The following GREB1L variants were observed in gnomAD, a reference collection of about 807,000 sequenced individuals.
GREB1L encodes the protein GREB1-like protein.
A neutral mutation model predicts 200.8 loss-of-function variants in GREB1L; 17 were observed. The ratio of observed to expected loss-of-function variants is 0.08; its 90% CI spans 0.06 to 0.13. GREB1L has a LOEUF of 0.13. Among genes scored for constraint, GREB1L ranks in the 10% least tolerant of loss-of-function variants. The pLI is 1.00. For synonymous variants in GREB1L, 789 were observed against 893.0 expected (o/e 0.88, Z 2.08); for missense variants, 1,657 against 2,367.7 (o/e 0.70, Z 6.23).
At chr18:21,352,500 C>CGA (rs2039448473) in intron 1 of GREB1L, among the ~76,000 whole-genome samples, 1 of 150,122 alleles carries the variant, frequency 6.7e-6, no homozygotes, top group East Asian at 2.0e-4. Context: ...ATGGTGAGAT[C>CGA]TCGGCTCACT....
Position 21,502,000 on chromosome 18 carries a change from C to G in GREB1L, c.4072+1358C>G, listed in dbSNP as rs922379051. On this transcript the variant is annotated intron_variant, in intron 23 of 32. Coordinates refer to ENST00000424526, the MANE Select transcript of GREB1L (RefSeq NM_001142966.3). The stretch of plus-strand genomic sequence containing the variant: ...CACTGGCACGGTGCAGTAGCTCACG[C>G]CTGTAATCCCAGCACTTTGGGAGGC... Among the ~76,000 whole-genome samples, 5 of 152,194 alleles carry G rather than the reference C, an allele frequency of 3.3e-5. No homozygotes were observed. In the South Asian group the frequency reaches 6.2e-4, roughly 19 times the overall value.
intron 1 of GREB1L, among the ~76,000 whole-genome samples, chr18:21,325,345 TAACC>T (rs1318561216): frequency 6.6e-6 from 1 of 152,158 alleles, no homozygotes; most frequent in African/African-American, 2.4e-5. Context: ...GGGAGACAAA[TAACC>T]AAGTATCTGC....
At chr18:21,257,359 C>A in intron 1 of GREB1L, among the ~76,000 whole-genome samples, 1 of 152,114 alleles carries the variant, frequency 6.6e-6, no homozygotes, top group East Asian at 1.9e-4. Context: ...TAAAAATAAC[C>A]TTTCCCCCCC....
intron 1 of GREB1L, among the ~76,000 whole-genome samples, chr18:21,302,808 C>T (rs1383812535): frequency 6.6e-6 from 1 of 151,932 alleles, no homozygotes; most frequent in Non-Finnish European, 1.5e-5. Flanking sequence ...TGCAACCTCC[C>T]CCTCCCAGGT....
chr18:21,437,414 G>A (rs1327631214), intron 7 of GREB1L, among the ~76,000 whole-genome samples: 3 of 152,110 alleles, frequency 2.0e-5, no homozygotes, highest in Non-Finnish European at 4.4e-5. Context: ...GGTTACTAAA[G>A]CGATCAGATG....
intron 7 of GREB1L, among the ~76,000 whole-genome samples, chr18:21,430,427 C>T (rs539161752): frequency 6.6e-6 from 1 of 151,642 alleles, no homozygotes; most frequent in East Asian, 1.9e-4. Flanking sequence ...TTGTTCATTT[C>T]CACTATTGTT....
At chr18:21,391,381 A>G (rs2040798196) in intron 4 of GREB1L, among the ~76,000 whole-genome samples, 1 of 152,250 alleles carries the variant, frequency 6.6e-6, no homozygotes. Context: ...TCTAGCCTAC[A>G]TGTGTGGTAG....
intron 1 of GREB1L, among the ~76,000 whole-genome samples, chr18:21,250,998 G>T (rs2037693564): frequency 6.6e-6 from 1 of 151,938 alleles, no homozygotes; most frequent in South Asian, 2.1e-4. Flanking sequence ...AATCTTACAT[G>T]AATAGGATCA....
intron 23 of GREB1L, among the ~76,000 whole-genome samples, chr18:21,504,568 G>C (rs2036934933): frequency 6.6e-6 from 1 of 152,180 alleles, no homozygotes; most frequent in Non-Finnish European, 1.5e-5. Context: ...TGGTATGGTG[G>C]CTTACACCTG....
chr18:21,426,561 T>G (rs1157626193), intron 7 of GREB1L, among the ~76,000 whole-genome samples: 1 of 152,234 alleles, frequency 6.6e-6, no homozygotes, highest in Non-Finnish European at 1.5e-5. Flanking sequence ...TTGATCTGTA[T>G]GTCTGTCCTT....
At chr18:21,516,884 T>G (rs1415222634) in intron 30 of GREB1L, 130 bp downstream of exon 30, 2 of 905,594 alleles carry the variant, frequency 2.2e-6, no homozygotes, top group African/African-American at 1.7e-5. Context: ...GGAGTTTTTT[T>G]TTTTTTTTTT....
intron 4 of GREB1L, chr18:21,387,419 G>C (rs2040588870): frequency 2.6e-5 from 4 of 152,162 alleles, no homozygotes; most frequent in Admixed American, 2.6e-4. Context: ...TCTGGTTTTA[G>C]AGCAACATTT....
intron 1 of GREB1L, among the ~76,000 whole-genome samples, chr18:21,295,028 T>C (rs1459588571): frequency 6.6e-6 from 1 of 152,222 alleles, no homozygotes; most frequent in Non-Finnish European, 1.5e-5. Flanking sequence ...TTTAAAATAT[T>C]TTCTGGCTAA....
At chr18:21,371,085 C>CA (rs558390206) in intron 2 of GREB1L, among the ~76,000 whole-genome samples, 504 of 145,598 alleles carry the variant, frequency 3.5e-3, no homozygotes, top group Middle Eastern at 7.2e-3. Context: ...GACTCTGTGT[C>CA]AAAAAAAAAA....
chr18:21,265,039 C>T (rs2037944781), intron 1 of GREB1L, among the ~76,000 whole-genome samples: 1 of 152,074 alleles, frequency 6.6e-6, no homozygotes. Flanking sequence ...ATCTCATTGT[C>T]AAGTATTTGC....
chr18:21,250,863 C>T (rs1447054784), intron 1 of GREB1L, among the ~76,000 whole-genome samples: 4 of 152,138 alleles, frequency 2.6e-5, no homozygotes, highest in Non-Finnish European at 5.9e-5. Flanking sequence ...TTCTTTTCCT[C>T]TTGTTTCCTT....
chr18:21,289,049 T>G (rs1266260544), intron 1 of GREB1L, among the ~76,000 whole-genome samples: 1 of 152,154 alleles, frequency 6.6e-6, no homozygotes, highest in Non-Finnish European at 1.5e-5. Context: ...TACCATGCTT[T>G]CTTTCTCTTT....
At chr18:21,376,269 C>G (rs1296911310) in intron 2 of GREB1L, among the ~76,000 whole-genome samples, 1 of 151,696 alleles carries the variant, frequency 6.6e-6, no homozygotes, top group Non-Finnish European at 1.5e-5. Context: ...CAGGCGCCTG[C>G]CACCATGCCT....
chr18:21,493,865 CAAAAAAAAAA>C (rs35758360), intron 19 of GREB1L, among the ~76,000 whole-genome samples: 17 of 38,514 alleles, frequency 4.4e-4, no homozygotes, highest in South Asian at 3.6e-3. Flanking sequence ...GACCCTGTCT[CAAAAAAAAAA>C]AAAAAAAAAA....
Sources: allele counts gnomAD v4.1 joint callset (sites outside exome capture counted in the v4.1 genomes callset), GRCh38; gene constraint gnomAD v4.1.1; transcripts MANE v1.5; gene names NCBI Gene and HGNC (gene_info 2026-07-23, HGNC 2026-07-21).